Variants in ZC3HAV1 observed in about 807,000 individuals in gnomAD.
The protein encoded by ZC3HAV1 is zinc finger CCCH-type containing, antiviral 1, also known as zinc finger CCCH-type antiviral protein 1.
A neutral mutation model predicts 86.6 loss-of-function variants in ZC3HAV1; 41 were observed. The ratio of observed to expected loss-of-function variants is 0.47; its 90% CI spans 0.37 to 0.61. ZC3HAV1 has a LOEUF of 0.61. Among genes scored for constraint, ZC3HAV1 ranks in the 20% least tolerant of loss-of-function variants. ZC3HAV1 has a pLI of 0.00. For missense variants in ZC3HAV1, 964 were observed against 1,141.1 expected (o/e 0.84, Z 2.24); for synonymous variants, 421 against 432.1 (o/e 0.97, Z 0.32).
At chr7:139,067,135 C>T (rs1022633133) in intron 7 of ZC3HAV1, among the ~76,000 whole-genome samples, 1 of 150,746 alleles carries the variant, frequency 6.6e-6, no homozygotes, top group African/African-American at 2.5e-5. Context: ...GGCAAAATTT[C>T]TTTCTTTCTT....
intron 7 of ZC3HAV1, among the ~76,000 whole-genome samples, chr7:139,069,502 G>A (rs985010314): frequency 6.6e-6 from 1 of 152,008 alleles, no homozygotes; most frequent in African/African-American, 2.4e-5. Context: ...CATCTTCGAG[G>A]ACCTGAATCT....
In ZC3HAV1 at chr7:139,108,774, C is replaced by A. The variant is rs1355312407; in HGVS notation, c.308+250G>T. ...AAGGGGTGGAGGTTGAGCCTGGTCT[C>A]CTCCAGGCACTAGCATTTTAGCCAT... On this transcript the variant is annotated intron_variant, in intron 1 of 12. Coordinates refer to ENST00000242351, the MANE Select transcript of ZC3HAV1 (RefSeq NM_020119.4). The surrounding 1 kb of genome is among the most constrained non-coding windows in gnomAD (Gnocchi z 4.2). 6.6e-6 allele frequency among the ~76,000 whole-genome samples: 1 copy of A among 152,242 alleles called. No homozygotes were observed.
At chr7:139,069,829 G>T (rs1816717429) in intron 7 of ZC3HAV1, among the ~76,000 whole-genome samples, 5 of 152,140 alleles carry the variant, frequency 3.3e-5, no homozygotes, top group Admixed American at 3.3e-4. Flanking sequence ...TTAGTTGCCT[G>T]ACTTATTCAA....
chr7:139,075,813 G>A (rs983515461), intron 6 of ZC3HAV1, among the ~76,000 whole-genome samples: 2 of 152,154 alleles, frequency 1.3e-5, no homozygotes, highest in African/African-American at 4.8e-5. Context: ...GGTATTAAAT[G>A]CTAAAGTATA....
chr7:139,070,356 G>T (rs573162815), intron 7 of ZC3HAV1, among the ~76,000 whole-genome samples: 1 of 152,058 alleles, frequency 6.6e-6, no homozygotes, highest in Non-Finnish European at 1.5e-5. Flanking sequence ...ATGTCCCAGC[G>T]AGAACTTTGT....
chr7:139,101,087 C>T (rs903301087), intron 1 of ZC3HAV1, among the ~76,000 whole-genome samples: 10 of 152,200 alleles, frequency 6.6e-5, no homozygotes, highest in Admixed American at 6.5e-4. Context: ...GCGAGTGATC[C>T]GCCAGCCTCG....
intron 12 of ZC3HAV1, 27 bp from the exon 13 acceptor site, chr7:139,047,880 A>G (rs756552040): frequency 4.7e-5 from 75 of 1,598,472 alleles, no homozygotes; most frequent in Non-Finnish European, 4.3e-5. Flanking sequence ...AGAAAAGTTA[A>G]GAAATATTAT....
intron 1 of ZC3HAV1, among the ~76,000 whole-genome samples, chr7:139,101,682 G>A: frequency 6.6e-6 from 1 of 150,812 alleles, no homozygotes; most frequent in Non-Finnish European, 1.5e-5. Flanking sequence ...CTTCTGCCTT[G>A]GGATGCTGTT....
At chr7:139,093,124 C>A (rs6963374) in intron 1 of ZC3HAV1, among the ~76,000 whole-genome samples, 1,695 of 152,230 alleles carry the variant, frequency 0.011, 36 homozygotes, top group African/African-American at 0.039. Context: ...TCACGATAAT[C>A]CTACTTTGGG....
intron 1 of ZC3HAV1, among the ~76,000 whole-genome samples, chr7:139,095,637 G>C (rs542007965): frequency 6.6e-6 from 1 of 152,336 alleles, no homozygotes; most frequent in Non-Finnish European, 1.5e-5. Context: ...GGGGAGGCCG[G>C]AGGCCAAGAA....
chr7:139,061,249 G>A, intron 8 of ZC3HAV1, 111 bp from the exon 9 acceptor site: 2 of 969,082 alleles, frequency 2.1e-6, no homozygotes, highest in Non-Finnish European at 3.0e-6. Flanking sequence ...AGACTGACCT[G>A]TATGTATACG....
At chr7:139,071,987 CAG>C (rs1584852441) in intron 7 of ZC3HAV1, among the ~76,000 whole-genome samples, 3 of 152,184 alleles carry the variant, frequency 2.0e-5, no homozygotes, top group East Asian at 3.8e-4. Context: ...ACTAACATAA[CAG>C]AGTAGTGCCT....
rs372136647 is a variant in ZC3HAV1, at chr7:139,062,692, C to T, written c.1994-1554G>A. On this transcript the variant is annotated intron_variant, in intron 8 of 12. Coordinates refer to ENST00000242351, the MANE Select transcript of ZC3HAV1 (RefSeq NM_020119.4). ...CCAGTACACAGCTGGCACTCAGATA[C>T]TAGCTTAATGCATGACAGAATACAC... Among the ~76,000 whole-genome samples, 24 of 152,340 alleles carry T rather than the reference C, an allele frequency of 1.6e-4. No homozygotes were observed. The East Asian group carries it at 4.6e-3, about 29-fold the overall frequency.
intron 9 of ZC3HAV1, among the ~76,000 whole-genome samples, chr7:139,058,449 C>T (rs1039646779): frequency 6.8e-6 from 1 of 147,496 alleles, no homozygotes; most frequent in Non-Finnish European, 1.5e-5. Context: ...AACCCCCCCC[C>T]CCCCCACAAA....
At chr7:139,075,223 T>C (rs1816903286) in intron 6 of ZC3HAV1, among the ~76,000 whole-genome samples, 1 of 152,150 alleles carries the variant, frequency 6.6e-6, no homozygotes, top group Non-Finnish European at 1.5e-5. Context: ...AACCAGAAAG[T>C]AGCTCATGTC....
At chr7:139,075,605 A>G (rs1241240063) in intron 6 of ZC3HAV1, among the ~76,000 whole-genome samples, 1 of 151,978 alleles carries the variant, frequency 6.6e-6, no homozygotes, top group Non-Finnish European at 1.5e-5. Context: ...ATGCCTGGCT[A>G]GTTTTTGTAT....
chr7:139,098,103 C>A (rs1457464905), intron 1 of ZC3HAV1, among the ~76,000 whole-genome samples: 1 of 151,986 alleles, frequency 6.6e-6, no homozygotes, highest in Non-Finnish European at 1.5e-5. Flanking sequence ...CGCCACCATG[C>A]CCAGCTAAAT....
chr7:139,103,357 TC>T (rs1817835177), intron 1 of ZC3HAV1, among the ~76,000 whole-genome samples: 1 of 151,718 alleles, frequency 6.6e-6, no homozygotes, highest in Non-Finnish European at 1.5e-5. Context: ...CATCTTGGCC[TC>T]CCAAAGCACT....
chr7:139,092,038 A>G (rs1393286485), intron 1 of ZC3HAV1, among the ~76,000 whole-genome samples: 2 of 152,178 alleles, frequency 1.3e-5, no homozygotes, highest in Admixed American at 1.3e-4. Flanking sequence ...GGGTCTAGTT[A>G]AAACAATTTT....
Sources: gnomAD v4.1 joint callset for allele counts (sites outside exome capture counted in the v4.1 genomes callset) on GRCh38, gnomAD v4.1.1 for gene constraint, Gnocchi (gnomAD v3.1) non-coding constraint, MANE v1.5 for transcripts, NCBI Gene and HGNC (gene_info 2026-07-23, HGNC 2026-07-21) for gene names.